Variants in MACROD2 observed in about 807,000 individuals in gnomAD.
MACROD2 encodes the protein ADP-ribose glycohydrolase MACROD2.
A neutral mutation model predicts 70.4 loss-of-function variants in MACROD2; 36 were observed. That is an observed-to-expected ratio of 0.51 (90% CI 0.39 to 0.68). MACROD2 has a LOEUF of 0.68. Among genes scored for constraint, MACROD2 ranks in the 30% least tolerant of loss-of-function variants. The probability of loss-of-function intolerance (pLI) is 0.00; values close to 1 mark genes in which losing one functional copy is unlikely to be tolerated. For synonymous variants in MACROD2, 172 were observed against 178.8 expected, an observed-to-expected ratio of 0.96 and a Z score of 0.30; for missense variants, 496 against 538.4, an observed-to-expected ratio of 0.92 and a Z score of 0.78.
intron 8 of MACROD2, among the ~76,000 whole-genome samples, chr20:15,561,031 G>A (rs555920505): frequency 6.6e-6 from 1 of 152,226 alleles, no homozygotes; most frequent in South Asian, 2.1e-4. Context: ...GATCCCAAGA[G>A]GATGTGGCAT....
chr20:15,471,391 T>G (rs1352675050), intron 7 of MACROD2, among the ~76,000 whole-genome samples: 1 of 152,192 alleles, frequency 6.6e-6, no homozygotes, highest in Non-Finnish European at 1.5e-5. Flanking sequence ...TACCACCCAT[T>G]GTGCGAAGCA....
intron 3 of MACROD2, among the ~76,000 whole-genome samples, chr20:14,129,027 G>T (rs781037614): frequency 1.3e-5 from 2 of 152,144 alleles, no homozygotes; most frequent in Non-Finnish European, 2.9e-5. Context: ...CAATTCTTCA[G>T]CCCATGCACC....
chr20:15,919,752 A>T (rs1368728774), intron 10 of MACROD2, among the ~76,000 whole-genome samples: 3 of 152,168 alleles, frequency 2.0e-5, no homozygotes, highest in Non-Finnish European at 2.9e-5. Flanking sequence ...AGAAGGGAAA[A>T]AAAAGGAATG....
intron 6 of MACROD2, among the ~76,000 whole-genome samples, chr20:15,248,987 A>G (rs943832912): frequency 6.6e-6 from 1 of 152,190 alleles, no homozygotes; most frequent in African/African-American, 2.4e-5. Flanking sequence ...ACAGGGAAGA[A>G]GCAAAACCAA....
chr20:14,241,256 A>G (rs1281929520), intron 3 of MACROD2, among the ~76,000 whole-genome samples: 1 of 152,254 alleles, frequency 6.6e-6, no homozygotes, highest in Non-Finnish European at 1.5e-5. Flanking sequence ...TTATAAAGGA[A>G]AATATCATCT....
chr20:14,499,906 A>G (rs2084897437), intron 4 of MACROD2, among the ~76,000 whole-genome samples: 1 of 152,164 alleles, frequency 6.6e-6, no homozygotes, highest in African/African-American at 2.4e-5. Flanking sequence ...TCTTAGAACT[A>G]AGTGCAGCCA....
chr20:15,615,416 G>GT (rs2049023682), intron 8 of MACROD2, among the ~76,000 whole-genome samples: 1 of 152,136 alleles, frequency 6.6e-6, no homozygotes. Flanking sequence ...CTAGAGTAGT[G>GT]GTCACAAAAG....
intron 5 of MACROD2, among the ~76,000 whole-genome samples, chr20:14,978,128 T>C (rs1311389131): frequency 2.0e-5 from 3 of 152,292 alleles, no homozygotes; most frequent in South Asian, 2.1e-4. Context: ...TTGACTTTTT[T>C]CCTCATGCTG....
Position 15,421,995 on chromosome 20 carries a change from A to G in MACROD2, c.541-9410A>G, listed in dbSNP as rs765622656. ...AAACCAGGGAGTATTTGGGAAATGGAGTATGCCAGACAGAGGTGACAACAA... is the reference window on the plus strand; with the variant it reads ...AAACCAGGGAGTATTTGGGAAATGGGGTATGCCAGACAGAGGTGACAACAA... On this transcript the variant is annotated intron_variant, in intron 6 of 17. Coordinates refer to ENST00000684519, the MANE Select transcript of MACROD2 (RefSeq NM_001351661.2). 4.6e-5 allele frequency among the ~76,000 whole-genome samples: 7 copies of G among 152,374 alleles called. No homozygotes were observed. In the East Asian group the frequency reaches 7.7e-4, roughly 17 times the overall value.
At chr20:15,797,280 A>AT (rs1233627631) in intron 8 of MACROD2, among the ~76,000 whole-genome samples, 1 of 151,898 alleles carries the variant, frequency 6.6e-6, no homozygotes, top group Admixed American at 6.6e-5. Context: ...CGCCCGGCTA[A>AT]TTTTTTTGTA....
chr20:15,772,855 A>G (rs1476968459), intron 8 of MACROD2, among the ~76,000 whole-genome samples: 1 of 152,190 alleles, frequency 6.6e-6, no homozygotes, highest in Non-Finnish European at 1.5e-5. Flanking sequence ...AAATAAATTT[A>G]TAAAAAGAAA....
intron 2 of MACROD2, among the ~76,000 whole-genome samples, chr20:14,072,829 G>C (rs930433838): frequency 6.6e-6 from 1 of 151,796 alleles, no homozygotes; most frequent in African/African-American, 2.4e-5. Context: ...ATCTACTCGG[G>C]AGGCTGAGGC....
chr20:15,337,769 T>A (rs2078064694), intron 6 of MACROD2, among the ~76,000 whole-genome samples: 1 of 151,752 alleles, frequency 6.6e-6, no homozygotes. Flanking sequence ...AGTCTCAATA[T>A]TACAACAATT....
chr20:15,220,451 A>G (rs2076849994), intron 5 of MACROD2, among the ~76,000 whole-genome samples: 1 of 152,262 alleles, frequency 6.6e-6, no homozygotes, highest in East Asian at 1.9e-4. Flanking sequence ...GAATCATGAC[A>G]TTGCAGAGTT....
intron 8 of MACROD2, among the ~76,000 whole-genome samples, chr20:15,754,189 G>C (rs558378293): frequency 6.6e-6 from 1 of 152,256 alleles, no homozygotes; most frequent in Admixed American, 6.5e-5. Flanking sequence ...AAGTGAAATA[G>C]CAAAGATGTT....
intron 8 of MACROD2, among the ~76,000 whole-genome samples, chr20:15,689,028 G>T (rs1406422526): frequency 6.6e-6 from 1 of 152,240 alleles, no homozygotes; most frequent in Non-Finnish European, 1.5e-5. Flanking sequence ...ATTGGGCCGG[G>T]CGTGATGGCT....
chr20:14,968,641 G>T (rs1000324292), intron 5 of MACROD2, among the ~76,000 whole-genome samples: 1 of 152,158 alleles, frequency 6.6e-6, no homozygotes, highest in Non-Finnish European at 1.5e-5. Flanking sequence ...AGCACAGACT[G>T]GGGGGCTCCA....
chr20:14,892,032 T>G (rs1217388165), intron 5 of MACROD2, among the ~76,000 whole-genome samples: 1 of 152,198 alleles, frequency 6.6e-6, no homozygotes, highest in East Asian at 1.9e-4. Flanking sequence ...GAGTATTCTA[T>G]CATGTGACTG....
intron 8 of MACROD2, among the ~76,000 whole-genome samples, chr20:15,785,692 A>T (rs972676414): frequency 3.9e-5 from 6 of 152,252 alleles, no homozygotes; most frequent in Non-Finnish European, 7.4e-5. Flanking sequence ...AGTTTCCCTG[A>T]GGCAGGTCCT....
Sources: allele counts gnomAD v4.1 joint callset (sites outside exome capture counted in the v4.1 genomes callset), GRCh38; gene constraint gnomAD v4.1.1; transcripts MANE v1.5; gene names NCBI Gene and HGNC (gene_info 2026-07-23, HGNC 2026-07-21).